CFAP299: variants seen among roughly 807,000 people sequenced by gnomAD.
CFAP299 encodes the protein cilia and flagella associated protein 299.
CFAP299 carries 21 observed loss-of-function variants against 27.0 expected under a neutral mutation model. That is an observed-to-expected ratio of 0.78 (90% CI 0.55 to 1.12). The LOEUF is 1.12. Among genes scored for constraint, CFAP299 ranks in the 50% most tolerant of loss-of-function variants. The pLI is 0.00. For missense variants in CFAP299, 310 were observed against 276.6 expected (o/e 1.12, Z -0.86); for synonymous variants, 104 against 98.1 (o/e 1.06, Z -0.36).
intron 4 of CFAP299, among the ~76,000 whole-genome samples, chr4:80,931,477 T>C (rs1560481830): frequency 6.6e-6 from 1 of 152,266 alleles, no homozygotes; most frequent in Non-Finnish European, 1.5e-5. Context: ...TATTTAGAGA[T>C]GTTCTGGACC....
At chr4:80,637,978 T>C (rs1739535540) in intron 3 of CFAP299, among the ~76,000 whole-genome samples, 1 of 152,202 alleles carries the variant, frequency 6.6e-6, no homozygotes, top group African/African-American at 2.4e-5. Flanking sequence ...ATAAAGAAAA[T>C]ATTTTTTATT....
chr4:80,583,099 A>G lies in CFAP299; in HGVS notation c.249A>G (p.Leu83=), dbSNP rs763099246. The part of the protein sequence containing the change: ...RLAERAQQKT[L]TSAGKDLQDN... Reference sequence around the variant, plus strand: ...GAAGATCTGCCTTTTACAGGACGCTAACAAGTGCTGGTAAAGACCTACAAG... The same window carrying G: ...GAAGATCTGCCTTTTACAGGACGCTGACAAGTGCTGGTAAAGACCTACAAG... Residue 83 remains leucine, a synonymous_variant, in exon 3 of 6, where the codon CTA becomes CTG. Transcript: ENST00000358105. 1 of 1,600,242 alleles carries G rather than the reference A, an allele frequency of 6.2e-7. No individual in the cohort carries two copies. The highest frequency in any genetic ancestry group is 1.1e-5 in the South Asian group (1 of 89,192).
chr4:80,326,134 G>A, the CFAP299 span, among the ~76,000 whole-genome samples: 2 of 152,064 alleles, frequency 1.3e-5, no homozygotes, highest in African/African-American at 4.8e-5. Context: ...TAATCTAGTT[G>A]TCCATATCTT....
intron 4 of CFAP299, among the ~76,000 whole-genome samples, chr4:80,924,361 G>C (rs984389677): frequency 6.6e-6 from 1 of 151,688 alleles, no homozygotes; most frequent in Non-Finnish European, 1.5e-5. Context: ...GTTCTCTCCA[G>C]GTTCTACCTC....
chr4:80,335,489 T>C (rs1053420681), upstream of CFAP299, among the ~76,000 whole-genome samples: 3 of 152,194 alleles, frequency 2.0e-5, no homozygotes, highest in Non-Finnish European at 4.4e-5. Flanking sequence ...TGTCATACTT[T>C]TTAACTTTGG....
At chr4:80,346,492 T>C (rs1007703768) in intron 1 of CFAP299, among the ~76,000 whole-genome samples, 2 of 152,236 alleles carry the variant, frequency 1.3e-5, no homozygotes, top group Admixed American at 6.5e-5. Flanking sequence ...TTTCTACATA[T>C]GGCCAGACAG....
At chr4:80,779,141 C>T (rs543432023) in intron 3 of CFAP299, among the ~76,000 whole-genome samples, 1 of 152,136 alleles carries the variant, frequency 6.6e-6, no homozygotes, top group South Asian at 2.1e-4. Flanking sequence ...AGTAGCTCAC[C>T]CTTGTATCAC....
chr4:80,867,537 T>C (rs1032129650), intron 3 of CFAP299, among the ~76,000 whole-genome samples: 5 of 152,228 alleles, frequency 3.3e-5, no homozygotes, highest in African/African-American at 1.2e-4. Context: ...TTTTACTTTC[T>C]CACAGTTCTG....
intron 2 of CFAP299, among the ~76,000 whole-genome samples, chr4:80,538,501 A>G (rs537974242): frequency 2.9e-4 from 44 of 151,856 alleles, no homozygotes; most frequent in Non-Finnish European, 5.9e-4. Context: ...ACTCACCGAG[A>G]GCAACTTCCA....
chr4:80,617,991 A>G (rs1010392797), intron 3 of CFAP299, among the ~76,000 whole-genome samples: 32 of 152,176 alleles, frequency 2.1e-4, no homozygotes, highest in African/African-American at 7.7e-4. Flanking sequence ...ACTTAAATTA[A>G]GAAGGAAAAG....
At position 80,706,234 on chromosome 4, in the gene CFAP299, T is replaced by C. The variant is rs1230754992; in HGVS notation, c.333+123051T>C. Among the ~76,000 whole-genome samples the C allele has an allele frequency of 5.3e-5, 8 of 151,780 alleles. No homozygotes were observed. In the Admixed American group the frequency reaches 5.3e-4, roughly 10 times the overall value. The stretch of plus-strand genomic sequence containing the variant: ...TTTCTTATATTTGCTAAATATTTTC[T>C]GATATTTGAGAGGTGGGTTTATGCA... On this transcript the variant is annotated intron_variant, in intron 3 of 5. Coordinates refer to ENST00000358105, the MANE Select transcript of CFAP299 (RefSeq NM_152770.3).
intron 3 of CFAP299, among the ~76,000 whole-genome samples, chr4:80,785,492 T>C (rs771002758): frequency 1.3e-5 from 2 of 152,188 alleles, no homozygotes; most frequent in Non-Finnish European, 2.9e-5. Context: ...TCTAGTAACC[T>C]TTGGCAATTT....
chr4:80,570,471 G>A (rs563426516), intron 2 of CFAP299, among the ~76,000 whole-genome samples: 1 of 152,080 alleles, frequency 6.6e-6, no homozygotes, highest in Non-Finnish European at 1.5e-5. Flanking sequence ...ACTGGAATGA[G>A]CATTTTGCAT....
chr4:80,571,671 A>G (rs1735586386), intron 2 of CFAP299, among the ~76,000 whole-genome samples: 1 of 151,872 alleles, frequency 6.6e-6, no homozygotes, highest in South Asian at 2.1e-4. Context: ...TTGGGAGGTC[A>G]CTAGGTTTAG....
At chr4:80,729,975 C>A (rs2110054327) in intron 3 of CFAP299, among the ~76,000 whole-genome samples, 1 of 152,234 alleles carries the variant, frequency 6.6e-6, no homozygotes, top group Middle Eastern at 3.4e-3. Flanking sequence ...ATGTCTCCAG[C>A]TGGTGGCCAG....
At chr4:80,530,384 C>T (rs552624097) in intron 2 of CFAP299, among the ~76,000 whole-genome samples, 1 of 152,222 alleles carries the variant, frequency 6.6e-6, no homozygotes, top group East Asian at 1.9e-4. Context: ...TAGGTACTCT[C>T]CTGCTATAAT....
At chr4:80,447,119 G>GTTTTTTTTTTTTTTTTT (rs71641487) in intron 2 of CFAP299, among the ~76,000 whole-genome samples, 4 of 65,504 alleles carry the variant, frequency 6.1e-5, no homozygotes, top group South Asian at 6.1e-4. Flanking sequence ...CTTTTTATTT[G>GTTTTTTTTTTTTTTTTT]TTTTTTTTTT....
At chr4:80,390,630 T>C (rs1054336749) in intron 2 of CFAP299, among the ~76,000 whole-genome samples, 1 of 145,750 alleles carries the variant, frequency 6.9e-6, no homozygotes, top group African/African-American at 2.5e-5. Flanking sequence ...TATGTATATA[T>C]GTATACACAT....
intron 3 of CFAP299, among the ~76,000 whole-genome samples, chr4:80,758,311 G>T (rs888343793): frequency 2.0e-5 from 3 of 152,290 alleles, no homozygotes; most frequent in Middle Eastern, 6.8e-3. Context: ...CAGGCCAGAT[G>T]CCTCTCCAAA....
Sources: allele counts gnomAD v4.1 joint callset (sites outside exome capture counted in the v4.1 genomes callset), GRCh38; gene constraint gnomAD v4.1.1; transcripts MANE v1.5; gene names NCBI Gene and HGNC (gene_info 2026-07-23, HGNC 2026-07-21).